The following RBM19 variants were observed in gnomAD, a reference collection of about 807,000 sequenced individuals.
RBM19 encodes the protein probable RNA-binding protein 19.
Under a neutral mutation model 116.8 loss-of-function variants are expected in RBM19, and 94 were observed. The ratio of observed to expected loss-of-function variants is 0.80; its 90% CI spans 0.68 to 0.95. RBM19 has a LOEUF of 0.95. Among genes scored for constraint, RBM19 ranks in the 40% least tolerant of loss-of-function variants. The pLI, the probability that RBM19 is intolerant of heterozygous loss-of-function variation, is 0.00. For synonymous variants in RBM19, 475 were observed against 494.1 expected (o/e 0.96, Z 0.51); for missense variants, 1,161 against 1,220.7 (o/e 0.95, Z 0.73).
chr12:113,861,342 G>A (rs1878351044), intron 21 of RBM19, among the ~76,000 whole-genome samples: 1 of 152,156 alleles, frequency 6.6e-6, no homozygotes, highest in South Asian at 2.1e-4. Context: ...CAGGCAAGGT[G>A]GGGGTAGACC....
At chr12:113,948,547 G>A (rs1871228106) in intron 10 of RBM19, among the ~76,000 whole-genome samples, 1 of 152,204 alleles carries the variant, frequency 6.6e-6, no homozygotes, top group African/African-American at 2.4e-5. Context: ...AAAGTCATCC[G>A]AATTGCTTCA....
chr12:113,959,830 C>T (rs1872326893), intron 4 of RBM19, 35 bp downstream of exon 4: 1 of 1,612,578 alleles, frequency 6.2e-7, no homozygotes, highest in Non-Finnish European at 8.5e-7. Context: ...CTGCTGCCCA[C>T]CCTCTCTCCT....
intron 21 of RBM19, among the ~76,000 whole-genome samples, chr12:113,900,523 T>C (rs1338653149): frequency 1.3e-5 from 2 of 152,166 alleles, no homozygotes; most frequent in East Asian, 1.9e-4. Context: ...AAACCCTTCA[T>C]GGAATCATTC....
At chr12:113,893,790 C>G (rs991067830) in intron 21 of RBM19, among the ~76,000 whole-genome samples, 1 of 152,232 alleles carries the variant, frequency 6.6e-6, no homozygotes, top group Non-Finnish European at 1.5e-5. Context: ...GTTTTTGGCT[C>G]TTTCAATTGA....
downstream of RBM19, among the ~76,000 whole-genome samples, chr12:113,819,242 C>T (rs1032034413): frequency 3.9e-5 from 6 of 152,196 alleles, no homozygotes; most frequent in East Asian, 5.8e-4. Context: ...AACACCGGGT[C>T]ACAGGCCTCA....
At chr12:113,894,187 C>T (rs1188144994) in intron 21 of RBM19, among the ~76,000 whole-genome samples, 3 of 151,998 alleles carry the variant, frequency 2.0e-5, no homozygotes, top group Non-Finnish European at 4.4e-5. Flanking sequence ...TTCAGAGGCT[C>T]AGGGGGTGTG....
chr12:113,858,431 T>C (rs1878090321), intron 22 of RBM19, among the ~76,000 whole-genome samples: 1 of 152,188 alleles, frequency 6.6e-6, no homozygotes, highest in African/African-American at 2.4e-5. Context: ...CTCTGCACTG[T>C]TCTGCGTGGC....
Position 113,903,635 on chromosome 12 carries a change from C to A in RBM19, c.2558+11334G>T, listed in dbSNP as rs769873256. 6.6e-6 allele frequency among the ~76,000 whole-genome samples: 1 copy of A among 152,198 alleles called. No individual in the cohort carries two copies. Among genetic ancestry groups the A allele is most frequent in the Non-Finnish European group, 1.5e-5 (1 of 68,040 alleles). On this transcript the variant is annotated intron_variant, in intron 21 of 23. Coordinates refer to ENST00000261741, the MANE Select transcript of RBM19 (RefSeq NM_016196.4). This position sits in a 1 kb window ranked among gnomAD's most constrained non-coding sequence, Gnocchi z 5.1. ...CATCATTGTCAGCATTTTGTGTCAC[C>A]ACTATTTTTTATTTTAGCCATCCTG...
At chr12:113,925,319 G>A (rs1868969833) in intron 17 of RBM19, among the ~76,000 whole-genome samples, 2 of 152,064 alleles carry the variant, frequency 1.3e-5, no homozygotes, top group South Asian at 2.1e-4. Context: ...CCAGGGGCCG[G>A]GGAGAAACTT....
At chr12:113,925,022 A>C (rs932531895) in intron 17 of RBM19, among the ~76,000 whole-genome samples, 1 of 152,214 alleles carries the variant, frequency 6.6e-6, no homozygotes, top group Admixed American at 6.5e-5. Flanking sequence ...CAGATCATGC[A>C]ATCGGGAAGC....
chr12:113,886,749 C>T (rs930599625), intron 21 of RBM19, among the ~76,000 whole-genome samples: 1 of 152,196 alleles, frequency 6.6e-6, no homozygotes, highest in Non-Finnish European at 1.5e-5. Context: ...AAAAAACACT[C>T]ATTTTCTTTG....
intron 23 of RBM19, among the ~76,000 whole-genome samples, chr12:113,839,523 C>T (rs1419123276): frequency 6.6e-6 from 1 of 152,234 alleles, no homozygotes; most frequent in Non-Finnish European, 1.5e-5. Context: ...CAACCATTCA[C>T]TACCTGTGTG....
chr12:113,918,563 G>A, intron 19 of RBM19, 116 bp from the exon 20 acceptor site: 3 of 1,044,848 alleles, frequency 2.9e-6, no homozygotes, highest in African/African-American at 1.6e-5. Context: ...TGTTCCCCGG[G>A]GAGTGGGGCT....
At chr12:113,935,776 G>A (rs1593612641) in intron 16 of RBM19, among the ~76,000 whole-genome samples, 1 of 152,214 alleles carries the variant, frequency 6.6e-6, no homozygotes, top group African/African-American at 2.4e-5. Context: ...GCTTATGCCT[G>A]TAATCCCAGC....
At chr12:113,820,515 G>A (rs1874345129), downstream of RBM19, among the ~76,000 whole-genome samples, 2 of 152,094 alleles carry the variant, frequency 1.3e-5, no homozygotes, top group Admixed American at 6.5e-5. Flanking sequence ...GTGAGCAGCG[G>A]GACTCGACTT....
Position 113,959,293 on chromosome 12 carries a change from T to C in RBM19, c.490A>G (p.Lys164Glu), listed in dbSNP as rs147376142. 1,331 of 1,614,058 alleles carry C rather than the reference T, an allele frequency of 8.2e-4. 2 individuals are homozygous for C. The highest frequency in any genetic ancestry group is 1.0e-3 in the Non-Finnish European group (1,227 of 1,179,966). Residue 164 changes from lysine (K) to glutamate (E), a missense_variant, in exon 5 of 24, where the codon AAG becomes GAG. Coordinates refer to ENST00000261741, the MANE Select transcript of RBM19 (RefSeq NM_016196.4). ...LDAEPSKGKS[K>E]PASDYLNFDS... ...AAGTTCAGGTAGTCACTGGCCGGCTTGCTCTTCCCTTTCGAGGGCTCAGCA... is the reference window on the plus strand; with the variant it reads ...AAGTTCAGGTAGTCACTGGCCGGCTCGCTCTTCCCTTTCGAGGGCTCAGCA...
chr12:113,847,318 G>A (rs1877075388), intron 22 of RBM19, among the ~76,000 whole-genome samples: 1 of 152,110 alleles, frequency 6.6e-6, no homozygotes, highest in African/African-American at 2.4e-5. Context: ...TGAAGGACCA[G>A]GTGCAGAAAA....
At chr12:113,835,984 G>A (rs1003467581) in intron 23 of RBM19, among the ~76,000 whole-genome samples, 1 of 152,332 alleles carries the variant, frequency 6.6e-6, no homozygotes, top group African/African-American at 2.4e-5. Flanking sequence ...TCTCGGCTGC[G>A]CTCGCAGGTA....
chr12:113,939,644 G>A (rs1870374259), intron 15 of RBM19, among the ~76,000 whole-genome samples: 1 of 152,094 alleles, frequency 6.6e-6, no homozygotes, highest in Non-Finnish European at 1.5e-5. Context: ...CAGCTACTTG[G>A]GAGGCTGAGG....
Sources: gnomAD v4.1 joint callset for allele counts (sites outside exome capture counted in the v4.1 genomes callset) on GRCh38, gnomAD v4.1.1 for gene constraint, Gnocchi (gnomAD v3.1) non-coding constraint, MANE v1.5 for transcripts, NCBI Gene and HGNC (gene_info 2026-07-23, HGNC 2026-07-21) for gene names.